Variants in DDX19A observed in about 807,000 individuals in gnomAD.
DDX19A encodes DEAD-box helicase 19A.
DDX19A carries 12 observed loss-of-function variants against 60.6 expected under a neutral mutation model. The observed-to-expected ratio is 0.20, with a 90% CI of 0.13 to 0.32. The LOEUF is 0.32. Among genes scored for constraint, DDX19A ranks in the 10% least tolerant of loss-of-function variants. The pLI, the probability that DDX19A is intolerant of heterozygous loss-of-function variation, is 1.00. For missense variants in DDX19A, 337 were observed against 600.6 expected (o/e 0.56, Z 4.59); for synonymous variants, 206 against 218.2 (o/e 0.94, Z 0.49).
intron 1 of DDX19A, chr16:70,347,996 G>A (rs1344784365): frequency 4.4e-6 from 2 of 450,976 alleles, no homozygotes; most frequent in East Asian, 1.5e-4. Flanking sequence ...AGCCGGTATG[G>A]GGATTTTTGA....
At chr16:70,364,503 T>G (rs371558009) in intron 5 of DDX19A, 40 bp from the exon 6 acceptor site, 2 of 1,466,464 alleles carry the variant, frequency 1.4e-6, no homozygotes, top group African/African-American at 1.4e-5. Flanking sequence ...TTACTGAGTT[T>G]CACCAATTTA....
At chr16:70,370,478 G>A (rs935187872) in intron 10 of DDX19A, 93 bp downstream of exon 10, 16 of 1,497,190 alleles carry the variant, frequency 1.1e-5, no homozygotes, top group African/African-American at 1.4e-5. Flanking sequence ...AAGTCGGATG[G>A]TCTCAGGGAG....
At chr16:70,364,719 G>A (rs750617176) in intron 6 of DDX19A, 74 bp downstream of exon 6, 21 of 1,141,404 alleles carry the variant, frequency 1.8e-5, no homozygotes, top group Middle Eastern at 2.0e-4. Context: ...GAGGAGTAAC[G>A]AGAGGTCTGA....
chr16:70,356,824 CTTAT>C (rs1964203626), intron 4 of DDX19A: 1 of 1,178,282 alleles, frequency 8.5e-7, no homozygotes, highest in Non-Finnish European at 1.1e-6. Flanking sequence ...AGCTAAAAGT[CTTAT>C]TTCTCTTATA....
chr16:70,366,627 G>A lies in DDX19A; in HGVS notation c.786G>A (p.Met262Ile). Residue 262 changes from methionine (M) to isoleucine (I), a missense_variant, in exon 9 of 12, where the codon ATG becomes ATA. Transcript: ENST00000302243. ...CTACCCGGGCCTTCCCTTGCAGGAT[G>A]CTGCCCAGGAACTGCCAGATGCTGC... The part of the protein sequence containing the change: ...HQDQSIRIQR[M>I]LPRNCQMLLF... 1.2e-6 allele frequency: 2 copies of A among 1,614,200 alleles called. No individual in the cohort carries two copies. Among genetic ancestry groups the A allele is most frequent in the Middle Eastern group, 1.6e-4 (1 of 6,062 alleles).
chr16:70,366,472 T>G, intron 8 of DDX19A, 152 bp from the exon 9 acceptor site: 2 of 1,268,810 alleles, frequency 1.6e-6, no homozygotes, highest in Non-Finnish European at 2.2e-6. Flanking sequence ...TCCCCAACCC[T>G]TGTCCCCATC....
At chr16:70,360,608 G>A (rs1370969596) in intron 4 of DDX19A, among the ~76,000 whole-genome samples, 1 of 152,032 alleles carries the variant, frequency 6.6e-6, no homozygotes, top group Non-Finnish European at 1.5e-5. Context: ...GCCTCCCAAA[G>A]TGCTGGGATT....
chr16:70,365,081 G>A lies in DDX19A; in HGVS notation c.554G>A (p.Gly185Asp). ...LQTGKVIEQM[G>D]KFYPELKLAY... Reference sequence around the variant, plus strand: ...ACAGGAAAAGTGATTGAGCAGATGGGCAAATTTTACCCAGAACTGAAGCTT... The same window carrying A: ...ACAGGAAAAGTGATTGAGCAGATGGACAAATTTTACCCAGAACTGAAGCTT... Residue 185 changes from glycine (G) to aspartate (D), a missense_variant, in exon 7 of 12, where the codon GGC becomes GAC. Around this residue, in one of 6 missense-constraint regions of DDX19A, gnomAD observed 62 missense variants for 75.7 expected, o/e 0.82. Coordinates refer to ENST00000302243, the MANE Select transcript of DDX19A (RefSeq NM_018332.5). 1.9e-6 allele frequency: 3 copies of A among 1,614,130 alleles called. No homozygotes were observed. Among genetic ancestry groups the A allele is most frequent in the Non-Finnish European group, 2.5e-6 (3 of 1,179,998 alleles).
intron 6 of DDX19A, 104 bp downstream of exon 6, chr16:70,364,749 T>C: frequency 2.3e-6 from 2 of 883,204 alleles, no homozygotes; most frequent in East Asian, 2.5e-5. Flanking sequence ...CACCTTAGGC[T>C]GTGGCTCAGG....
At position 70,373,335 on chromosome 16, in the gene DDX19A, A is replaced by G. The variant is rs1321421610; in HGVS notation, c.*1349A>G. Reference sequence around the variant, plus strand: ...AACGCTCTACTAATGATTTGTTTTTATTTGTATTTTTCTGCTTATTAGACA... The same window carrying G: ...AACGCTCTACTAATGATTTGTTTTTGTTTGTATTTTTCTGCTTATTAGACA... On this transcript the variant is annotated 3_prime_UTR_variant, in exon 12 of 12. Transcript: ENST00000302243. 2.6e-5 allele frequency: 4 copies of G among 152,154 alleles called. No homozygotes were observed. The highest frequency in any genetic ancestry group is 2.6e-4 in the Admixed American group (4 of 15,262). The allele number at this position is 152,154 out of a possible 1,614,324, so 9.4% of individuals were successfully genotyped here.
At chr16:70,356,931 G>A in intron 4 of DDX19A, 1 of 1,104,272 alleles carries the variant, frequency 9.1e-7, no homozygotes. Context: ...GAGAACATGT[G>A]CTATTTGTTT....
intron 5 of DDX19A, among the ~76,000 whole-genome samples, chr16:70,362,132 G>A (rs1259148602): frequency 6.7e-6 from 1 of 149,924 alleles, no homozygotes; most frequent in East Asian, 2.0e-4. Context: ...CCGAGATGGT[G>A]CCACTGTACT....
At chr16:70,367,449 G>C (rs971788711) in intron 9 of DDX19A, among the ~76,000 whole-genome samples, 1 of 151,506 alleles carries the variant, frequency 6.6e-6, no homozygotes, top group African/African-American at 2.4e-5. Flanking sequence ...AGTTCAACAA[G>C]ATAGTCATAA....
intron 4 of DDX19A, among the ~76,000 whole-genome samples, chr16:70,359,798 G>A (rs1964316264): frequency 6.6e-6 from 1 of 152,120 alleles, no homozygotes; most frequent in African/African-American, 2.4e-5. Context: ...GTTGCAGTGA[G>A]CCCAGTTCAC....
At chr16:70,361,624 GA>G (rs1964365923) in intron 5 of DDX19A, 114 bp downstream of exon 5, 1 of 740,406 alleles carries the variant, frequency 1.4e-6, no homozygotes. Context: ...GTTTCCTCAG[GA>G]ATACAGCTTA....
chr16:70,370,105 G>A, intron 9 of DDX19A, 118 bp from the exon 10 acceptor site: 3 of 1,382,240 alleles, frequency 2.2e-6, no homozygotes, highest in Non-Finnish European at 2.9e-6. Flanking sequence ...GCCAAGGCAG[G>A]ATAATGACTT....
chr16:70,365,277 A>G (rs927831950), intron 7 of DDX19A, 146 bp downstream of exon 7: 10 of 511,908 alleles, frequency 2.0e-5, no homozygotes, highest in African/African-American at 1.7e-4. Flanking sequence ...CTATTTGAAT[A>G]CCTGCTAATT....
chr16:70,371,813 T>C lies in DDX19A; in HGVS notation c.1376-112T>C, dbSNP rs191805181. ...TGTTGCTGTCAGTGACTAGGGGCCC[T>C]GCTGCCCCCTGCTTAGGCACCCGGA... On this transcript the variant is annotated intron_variant, in intron 11 of 11. Transcript: ENST00000302243. The C allele has an allele frequency of 1.3e-3, 1,875 of 1,492,964 alleles. 24 individuals carry two copies. In the African/African-American group the frequency reaches 0.023, roughly 18 times the overall value. The allele number at this position is 1,492,964 out of a possible 1,614,324, so 92.5% of individuals were successfully genotyped here. A position where few individuals can be genotyped will look rare whatever the true frequency, so the allele number is the denominator to read the frequency against.
intron 9 of DDX19A, 39 bp downstream of exon 9, chr16:70,366,900 C>G: frequency 1.9e-6 from 3 of 1,611,354 alleles, no homozygotes; most frequent in Non-Finnish European, 2.5e-6. Context: ...GCCCCTCCCT[C>G]TCAGCCAGCT....
Sources: allele counts gnomAD v4.1 joint callset (sites outside exome capture counted in the v4.1 genomes callset), GRCh38; gene constraint gnomAD v4.1.1; regional missense constraint gnomAD v4.1.1; transcripts MANE v1.5; gene names NCBI Gene and HGNC (gene_info 2026-07-23, HGNC 2026-07-21).